Variants in RNF152 observed in about 807,000 individuals in gnomAD.
The protein encoded by RNF152 is E3 ubiquitin-protein ligase RNF152.
In RNF152, 11 loss-of-function variants were observed where a neutral mutation model predicts 12.7. The ratio of observed to expected loss-of-function variants is 0.86; its 90% CI spans 0.54 to 1.43. The LOEUF (loss-of-function observed/expected upper bound fraction) is 1.43. Among genes scored for constraint, RNF152 ranks in the 40% most tolerant of loss-of-function variants. RNF152 has a pLI of 0.00. For synonymous variants in RNF152, 113 were observed against 120.3 expected (o/e 0.94, Z 0.40); for missense variants, 255 against 274.8 (o/e 0.93, Z 0.51).
chr18:61,824,951 A>G (rs1319834685), intron 1 of RNF152, among the ~76,000 whole-genome samples: 4 of 152,344 alleles, frequency 2.6e-5, no homozygotes, highest in Non-Finnish European at 4.4e-5. Flanking sequence ...AGATAGACAG[A>G]CAGGCAGGCA....
intron 1 of RNF152, among the ~76,000 whole-genome samples, chr18:61,879,353 C>T (rs543932056): frequency 2.0e-5 from 3 of 152,052 alleles, no homozygotes; most frequent in Admixed American, 6.5e-5. Context: ...AAAGTATACA[C>T]GAGGAAGTGC....
Position 61,815,566 on chromosome 18 carries a change from A to AT in RNF152, c.*285dup. The AT allele has an allele frequency of 2.6e-6, 1 of 378,902 alleles. No homozygotes were observed. Among genetic ancestry groups the AT allele is most frequent in the Non-Finnish European group, 4.8e-6 (1 of 207,088 alleles). 23.5% of individuals were successfully genotyped at this position (378,902 alleles called of 1,614,324 possible). On this transcript the variant is annotated 3_prime_UTR_variant, in exon 2 of 2. Coordinates refer to ENST00000312828, the MANE Select transcript of RNF152 (RefSeq NM_173557.3). Reference sequence around the variant, plus strand: ...TAGAATATGTCTATCTTGTAACATGATTTTGAAAAATCATAAATTACAGTC... The same window carrying AT: ...TAGAATATGTCTATCTTGTAACATGATTTTTGAAAAATCATAAATTACAGTC...
chr18:61,876,150 C>T (rs987623850), intron 1 of RNF152, among the ~76,000 whole-genome samples: 2 of 152,180 alleles, frequency 1.3e-5, no homozygotes, highest in African/African-American at 2.4e-5. Context: ...TTCCTCACTG[C>T]CATGTGTCCA....
rs1221320282 is a variant in RNF152, at chr18:61,892,790, G to C, written c.-136+5C>G. The C allele has an allele frequency of 6.6e-6, 1 of 152,126 alleles. No homozygotes were observed. The highest frequency in any genetic ancestry group is 1.5e-5 in the Non-Finnish European group (1 of 68,058). 9.4% of individuals were successfully genotyped at this position (152,126 alleles called of 1,614,324 possible). ...CCAGGCGCTACCCAGATCGTGGGGGGTTACCTGTATCTGTCACCGAGTCTC... is the reference window on the plus strand; with the variant it reads ...CCAGGCGCTACCCAGATCGTGGGGGCTTACCTGTATCTGTCACCGAGTCTC... On this transcript the variant is annotated splice_donor_5th_base_variant and intron_variant, in intron 1 of 1. Transcript: ENST00000312828.
At chr18:61,872,547 C>T (rs1480961028) in intron 1 of RNF152, among the ~76,000 whole-genome samples, 2 of 152,146 alleles carry the variant, frequency 1.3e-5, no homozygotes, top group East Asian at 1.9e-4. Flanking sequence ...TGAAATCATG[C>T]CCCTCTCCCA....
chr18:61,877,396 GATTT>G lies in RNF152; in HGVS notation c.-136+15395_-136+15398del, dbSNP rs1912259937. On this transcript the variant is annotated intron_variant, in intron 1 of 1. Coordinates refer to ENST00000312828, the MANE Select transcript of RNF152 (RefSeq NM_173557.3). ...TTCAAAGACTGTCATATTATACAGT[GATTT>G]ATTTATTAATGGTGTGGGAAACAGC... is the stretch of plus-strand genomic sequence containing the variant. Among the ~76,000 whole-genome samples, 4 of 152,302 alleles carry G rather than the reference GATTT, an allele frequency of 2.6e-5. No homozygotes were observed. In the South Asian group the frequency reaches 8.3e-4, roughly 32 times the overall value.
chr18:61,879,554 G>A lies in RNF152; in HGVS notation c.-136+13241C>T, dbSNP rs745733581. Among the ~76,000 whole-genome samples, 125 of 152,076 alleles carry A rather than the reference G, an allele frequency of 8.2e-4. 1 individual carries two copies. Among genetic ancestry groups the A allele is most frequent in the African/African-American group, 2.9e-3 (120 of 41,416 alleles). Reference sequence around the variant, plus strand: ...CAGAGAGGAAGGATAGGGAGAAAGCGTGTTCCGGGGAAAGGGAACTACACA... The same window carrying A: ...CAGAGAGGAAGGATAGGGAGAAAGCATGTTCCGGGGAAAGGGAACTACACA... On this transcript the variant is annotated intron_variant, in intron 1 of 1. Transcript: ENST00000312828.
chr18:61,816,735 T>A (rs1052838905), intron 1 of RNF152, 137 bp from the exon 2 acceptor site: 1 of 365,906 alleles, frequency 2.7e-6, no homozygotes, highest in African/African-American at 2.1e-5. Context: ...GTCTTGAGAC[T>A]ACAGGATTCC....
chr18:61,865,609 C>T (rs1911689851), intron 1 of RNF152, among the ~76,000 whole-genome samples: 3 of 152,136 alleles, frequency 2.0e-5, no homozygotes, highest in African/African-American at 7.2e-5. Context: ...TAGATAATCC[C>T]CTGCTAGCAG....
chr18:61,842,527 C>T (rs906388080), intron 1 of RNF152, among the ~76,000 whole-genome samples: 22 of 152,228 alleles, frequency 1.4e-4, no homozygotes, highest in African/African-American at 5.3e-4. Context: ...GCAAGAGACT[C>T]TTCTCTGGCC....
At chr18:61,840,751 T>A (rs1280392919) in intron 1 of RNF152, among the ~76,000 whole-genome samples, 2 of 151,552 alleles carry the variant, frequency 1.3e-5, no homozygotes, top group Non-Finnish European at 2.9e-5. Flanking sequence ...TGTATATTTT[T>A]AATAGCAATA....
intron 1 of RNF152, among the ~76,000 whole-genome samples, chr18:61,851,404 A>C (rs1206752071): frequency 6.6e-6 from 1 of 152,140 alleles, no homozygotes; most frequent in Non-Finnish European, 1.5e-5. Flanking sequence ...AAAAGAGGAG[A>C]AAACACTTAC....
chr18:61,865,962 T>C (rs1599310119), intron 1 of RNF152, among the ~76,000 whole-genome samples: 1 of 152,332 alleles, frequency 6.6e-6, no homozygotes, highest in East Asian at 1.9e-4. Context: ...ACAGATGATA[T>C]AAGGCTTCTT....
chr18:61,823,108 A>G (rs1358255874), intron 1 of RNF152, among the ~76,000 whole-genome samples: 1 of 152,228 alleles, frequency 6.6e-6, no homozygotes, highest in Non-Finnish European at 1.5e-5. Flanking sequence ...CCAGGACACA[A>G]CTGCTGCATA....
At chr18:61,844,455 C>T (rs1442575743) in intron 1 of RNF152, among the ~76,000 whole-genome samples, 5 of 152,184 alleles carry the variant, frequency 3.3e-5, no homozygotes, top group Non-Finnish European at 7.3e-5. Flanking sequence ...TATGCTTCAC[C>T]TTGGCAAAAG....
chr18:61,866,748 C>T (rs769007182), intron 1 of RNF152, among the ~76,000 whole-genome samples: 3 of 152,246 alleles, frequency 2.0e-5, no homozygotes, highest in African/African-American at 4.8e-5. Flanking sequence ...GTGGTGACAC[C>T]GGGGGTGTGA....
intron 1 of RNF152, among the ~76,000 whole-genome samples, chr18:61,834,444 A>G (rs1183280632): frequency 6.6e-6 from 1 of 152,196 alleles, no homozygotes; most frequent in African/African-American, 2.4e-5. Flanking sequence ...AGTCTCCCAC[A>G]CTGAAAAGTG....
chr18:61,822,576 T>C (rs1321453141), intron 1 of RNF152, among the ~76,000 whole-genome samples: 1 of 152,214 alleles, frequency 6.6e-6, no homozygotes, highest in Non-Finnish European at 1.5e-5. Flanking sequence ...TTTAGAAGTC[T>C]AGGCATATGA....
intron 1 of RNF152, among the ~76,000 whole-genome samples, chr18:61,865,033 AGT>A (rs1911669535): frequency 6.6e-6 from 1 of 152,152 alleles, no homozygotes; most frequent in Non-Finnish European, 1.5e-5. Context: ...AAAAAAAAGG[AGT>A]TTATGATGAA....
Sources: gnomAD v4.1 joint callset for allele counts (sites outside exome capture counted in the v4.1 genomes callset) on GRCh38, gnomAD v4.1.1 for gene constraint, MANE v1.5 for transcripts, NCBI Gene and HGNC (gene_info 2026-07-23, HGNC 2026-07-21) for gene names.